The following FAAH2 variants were observed in gnomAD, a reference collection of about 807,000 sequenced individuals.
FAAH2 encodes fatty acid amide hydrolase 2.
A neutral mutation model predicts 36.9 loss-of-function variants in FAAH2; 60 were observed. That is an observed-to-expected ratio of 1.63 (90% CI 1.32 to 2.02). The LOEUF (loss-of-function observed/expected upper bound fraction) is 2.02. Ranked by LOEUF, FAAH2 falls within the 30% of genes most tolerant of loss-of-function variation. FAAH2 has a pLI of 0.00. For missense variants in FAAH2, 689 were observed against 397.5 expected (o/e 1.73, Z -6.23); for synonymous variants, 214 against 143.8 (o/e 1.49, Z -3.49).
rs748696084 is a variant in FAAH2, at chrX:57,429,786, A to G, written c.997-2132A>G. ...AGATATAGAATCAACTAAACTGTCAATCAATGGATTATCGGATAAAGAAAA... is the reference window on the plus strand; with the variant it reads ...AGATATAGAATCAACTAAACTGTCAGTCAATGGATTATCGGATAAAGAAAA... On this transcript the variant is annotated intron_variant, in intron 7 of 10. Transcript: ENST00000374900. 3.6e-5 allele frequency among the ~76,000 whole-genome samples: 4 copies of G among 111,951 alleles called. No homozygotes were observed. In the South Asian group the frequency reaches 1.5e-3, roughly 42 times the overall value.
chrX:57,268,307 A>C, the FAAH2 span, among the ~76,000 whole-genome samples: 1 of 111,816 alleles, frequency 8.9e-6, no homozygotes, highest in Non-Finnish European at 1.9e-5. Context: ...AGATAAAAAA[A>C]GAATTAAAAG....
At chrX:57,425,737 A>G (rs757603364) in intron 7 of FAAH2, among the ~76,000 whole-genome samples, 1 of 111,612 alleles carries the variant, frequency 9.0e-6, no homozygotes, top group Non-Finnish European at 1.9e-5. Flanking sequence ...AAAAAAGTCA[A>G]TACTCTCCAT....
chrX:57,410,504 T>C (rs907201612), intron 7 of FAAH2, among the ~76,000 whole-genome samples: 2 of 112,025 alleles, frequency 1.8e-5, no homozygotes, highest in Non-Finnish European at 3.8e-5. Flanking sequence ...TCAGATCTAT[T>C]ATAATTTGCT....
intron 7 of FAAH2, chrX:57,394,108 G>T: frequency 1.4e-6 from 1 of 720,742 alleles, no homozygotes; most frequent in Non-Finnish European, 2.2e-6. Flanking sequence ...TGATGGCATG[G>T]ATGTCACCTG....
chrX:57,239,474 T>TTATATA, the FAAH2 span, among the ~76,000 whole-genome samples: 1 of 106,654 alleles, frequency 9.4e-6, no homozygotes, highest in East Asian at 2.9e-4. Context: ...TGCAGCTCTT[T>TTATATA]TATATATATA....
chrX:57,284,302 AG>A (rs1209391834), upstream of FAAH2, among the ~76,000 whole-genome samples: 1 of 111,398 alleles, frequency 9.0e-6, no homozygotes, highest in African/African-American at 3.3e-5. Context: ...TGAACCCGGG[AG>A]GCAAAGGTTG....
the FAAH2 span, among the ~76,000 whole-genome samples, chrX:57,124,245 G>A: frequency 1.9e-4 from 21 of 111,094 alleles, no homozygotes; most frequent in South Asian, 3.8e-4. Flanking sequence ...TCCCAGCACC[G>A]TTTATTAAAT....
At chrX:57,145,990 G>A in the FAAH2 span, among the ~76,000 whole-genome samples, 1 of 109,969 alleles carries the variant, frequency 9.1e-6, no homozygotes, top group African/African-American at 3.3e-5. Flanking sequence ...GTTGGGTAAT[G>A]TGATGCCTCC....
intron 10 of FAAH2, among the ~76,000 whole-genome samples, 198 bp from the exon 11 acceptor site, chrX:57,488,555 ATAAT>A (rs2057516113): frequency 8.9e-6 from 1 of 111,913 alleles, no homozygotes; most frequent in African/African-American, 3.2e-5. Flanking sequence ...AAAAATAGTG[ATAAT>A]TAATAGCTTC....
chrX:57,386,714 C>G (rs762855916), intron 7 of FAAH2, among the ~76,000 whole-genome samples: 160 of 111,464 alleles, frequency 1.4e-3, no homozygotes, highest in Non-Finnish European at 2.3e-3. Context: ...TTTTTGCTGG[C>G]CTGAAATTCA....
chrX:57,337,389 T>G (rs1291616826), intron 4 of FAAH2, among the ~76,000 whole-genome samples: 1 of 111,386 alleles, frequency 9.0e-6, no homozygotes, highest in Non-Finnish European at 1.9e-5. Flanking sequence ...AGAGGGATTT[T>G]TTTCTAACTC....
chrX:57,333,566 G>A (rs1409816027), intron 4 of FAAH2, among the ~76,000 whole-genome samples: 2 of 104,649 alleles, frequency 1.9e-5, no homozygotes, highest in African/African-American at 6.9e-5. Flanking sequence ...AAGACAGATG[G>A]GAACTTCAAG....
At chrX:57,429,634 G>T (rs1213182283) in intron 7 of FAAH2, among the ~76,000 whole-genome samples, 1 of 111,249 alleles carries the variant, frequency 9.0e-6, no homozygotes, top group Admixed American at 9.6e-5. Context: ...GGTTCTCAAA[G>T]AATTAAAAAT....
chrX:57,488,986 T>A lies in FAAH2; in HGVS notation c.*54T>A. 1 of 1,098,297 alleles carries A rather than the reference T, an allele frequency of 9.1e-7. No homozygotes were observed. Among genetic ancestry groups the A allele is most frequent in the East Asian group, 3.2e-5 (1 of 31,034 alleles). The allele number at this position is 1,098,297 out of a possible 1,213,427, so 90.5% of individuals were successfully genotyped here. On this transcript the variant is annotated 3_prime_UTR_variant, in exon 11 of 11. Coordinates refer to ENST00000374900, the MANE Select transcript of FAAH2 (RefSeq NM_174912.4). ...GTGTGTTTGTGTTCGTGTGGTGGTG[T>A]TTCTATTAATTGGGTGAAATCAAGC...
intron 2 of FAAH2, among the ~76,000 whole-genome samples, chrX:57,299,537 A>T (rs1352625398): frequency 8.9e-6 from 1 of 111,824 alleles, no homozygotes; most frequent in Non-Finnish European, 1.9e-5. Context: ...TCCCTTTGAA[A>T]ACTGGCACAA....
chrX:57,259,828 C>G, the FAAH2 span, among the ~76,000 whole-genome samples: 1 of 111,412 alleles, frequency 9.0e-6, no homozygotes, highest in Non-Finnish European at 1.9e-5. Flanking sequence ...TTCATTATAC[C>G]TTAACAAAGC....
chrX:57,329,162 C>G (rs1478409633), intron 3 of FAAH2, among the ~76,000 whole-genome samples: 1 of 112,358 alleles, frequency 8.9e-6, no homozygotes, highest in African/African-American at 3.2e-5. Context: ...TGAGATCATT[C>G]ACAGCAATTG....
intron 7 of FAAH2, among the ~76,000 whole-genome samples, chrX:57,390,791 A>T (rs1246537792): frequency 1.8e-5 from 2 of 111,475 alleles, no homozygotes; most frequent in Non-Finnish European, 3.8e-5. Flanking sequence ...CACAACACAC[A>T]AGTTTAGGTG....
chrX:57,151,415 G>C, the FAAH2 span, among the ~76,000 whole-genome samples: 1 of 111,330 alleles, frequency 9.0e-6, no homozygotes, highest in Non-Finnish European at 1.9e-5. Context: ...ACATAGATTT[G>C]GTCTTTTCAC....
Sources: gnomAD v4.1 joint callset for allele counts (sites outside exome capture counted in the v4.1 genomes callset) on GRCh38, gnomAD v4.1.1 for gene constraint, MANE v1.5 for transcripts, NCBI Gene and HGNC (gene_info 2026-07-23, HGNC 2026-07-21) for gene names.